The following SGO2 variants were observed in gnomAD, a reference collection of about 807,000 sequenced individuals.
The protein encoded by SGO2 is shugoshin 2, also known as shugoshin-like 2.
A neutral mutation model predicts 99.5 loss-of-function variants in SGO2; 68 were observed. That is an observed-to-expected ratio of 0.68 (90% CI 0.56 to 0.84). The LOEUF is 0.84. SGO2 is among the 40% of genes least tolerant of loss of function. SGO2 has a pLI of 0.00. For missense variants in SGO2, 1,350 were observed against 1,436.7 expected (o/e 0.94, Z 0.97); for synonymous variants, 457 against 487.1 (o/e 0.94, Z 0.81).
At chr2:200,561,483 A>C (rs912423889) in intron 5 of SGO2, among the ~76,000 whole-genome samples, 1 of 152,116 alleles carries the variant, frequency 6.6e-6, no homozygotes, top group Admixed American at 6.6e-5. Flanking sequence ...GTTGGTTCCA[A>C]GTCTTTGCTA....
intron 5 of SGO2, among the ~76,000 whole-genome samples, chr2:200,549,555 A>G (rs1002316587): frequency 6.6e-6 from 1 of 152,204 alleles, no homozygotes; most frequent in Non-Finnish European, 1.5e-5. Flanking sequence ...AACATTCACC[A>G]TGATCAAGTG....
At chr2:200,532,272 GTTTTTTTTTTTGTT>G (rs1244486589) in intron 1 of SGO2, 6 of 187,680 alleles carry the variant, frequency 3.2e-5, no homozygotes, top group Non-Finnish European at 4.2e-5. Flanking sequence ...AGAGTTTTTT[GTTTTTTTTTTTGTT>G]TTTTTTTTTT....
intron 5 of SGO2, among the ~76,000 whole-genome samples, chr2:200,556,966 C>T (rs2032744730): frequency 6.6e-6 from 1 of 152,100 alleles, no homozygotes; most frequent in Admixed American, 6.5e-5. Context: ...ATCAAAAGTT[C>T]AGGTGGCCAT....
intron 8 of SGO2, chr2:200,576,096 A>G (rs183268207): frequency 4.3e-5 from 17 of 397,382 alleles, no homozygotes; most frequent in Admixed American, 1.0e-4. Context: ...CTAGACAACA[A>G]TGATCACATC....
chr2:200,526,187 A>C (rs1347584519), upstream of SGO2: 3 of 152,376 alleles, frequency 2.0e-5, no homozygotes, highest in African/African-American at 7.2e-5. The surrounding 1 kb of genome is among the most constrained non-coding windows in gnomAD (Gnocchi z 4.8). Context: ...TTTAAACCCA[A>C]GCCGCAGCCG....
chr2:200,541,879 A>G (rs1574842463), intron 4 of SGO2, among the ~76,000 whole-genome samples: 1 of 151,888 alleles, frequency 6.6e-6, no homozygotes, highest in Non-Finnish European at 1.5e-5. Flanking sequence ...TCTCTGTTCT[A>G]TGTCATTGAT....
Position 200,545,288 on chromosome 2 carries a change from T to G in SGO2, c.473+2624T>G, listed in dbSNP as rs919763756. 2.0e-5 allele frequency among the ~76,000 whole-genome samples: 3 copies of G among 152,170 alleles called. No homozygotes were observed. The South Asian group carries it at 6.2e-4, about 31-fold the overall frequency. On this transcript the variant is annotated intron_variant, in intron 5 of 8. Coordinates refer to ENST00000357799, the MANE Select transcript of SGO2 (RefSeq NM_152524.6). ...TCGCAAAGTGCTAGGATTACAGGTGTGAGCCACCATGCCTGGCATATTCTT... is the reference window on the plus strand; with the variant it reads ...TCGCAAAGTGCTAGGATTACAGGTGGGAGCCACCATGCCTGGCATATTCTT...
chr2:200,541,636 A>G (rs2031963449), intron 4 of SGO2, among the ~76,000 whole-genome samples: 1 of 152,166 alleles, frequency 6.6e-6, no homozygotes, highest in South Asian at 2.1e-4. Context: ...ACTATCTCAT[A>G]AAAAGAATAT....
intron 1 of SGO2, among the ~76,000 whole-genome samples, chr2:200,528,577 T>A (rs562836813): frequency 6.6e-6 from 1 of 152,218 alleles, no homozygotes; most frequent in African/African-American, 2.4e-5. Flanking sequence ...ATTTGAGATG[T>A]GTGTTAGAAA....
intron 4 of SGO2, among the ~76,000 whole-genome samples, chr2:200,536,971 CAAAA>C (rs756551156): frequency 5.3e-5 from 8 of 152,066 alleles, no homozygotes; most frequent in African/African-American, 1.4e-4. Context: ...AACAAACAAA[CAAAA>C]TAAATATTTT....
intron 8 of SGO2, among the ~76,000 whole-genome samples, chr2:200,583,020 G>C (rs545899145): frequency 6.6e-6 from 1 of 152,286 alleles, no homozygotes; most frequent in Non-Finnish European, 1.5e-5. Context: ...ATTCAGGATA[G>C]TGGTCCCTTT....
Position 200,532,975 on chromosome 2 carries a change from G to A in SGO2, c.-1G>A. 2 of 1,605,742 alleles carry A rather than the reference G, an allele frequency of 1.2e-6. No homozygotes were observed. Among genetic ancestry groups the A allele is most frequent in the Non-Finnish European group, 1.7e-6 (2 of 1,177,674 alleles). Reference sequence around the variant, plus strand: ...TGATTTTTTTTTCTTTCACTTCAGTGATGGAGTGCCCAGTGATGGAAACTG... The same window carrying A: ...TGATTTTTTTTTCTTTCACTTCAGTAATGGAGTGCCCAGTGATGGAAACTG... On this transcript the variant is annotated splice_region_variant and 5_prime_UTR_variant, in exon 2 of 9. Coordinates refer to ENST00000357799, the MANE Select transcript of SGO2 (RefSeq NM_152524.6).
intron 1 of SGO2, among the ~76,000 whole-genome samples, chr2:200,528,968 CT>C (rs1027998439): frequency 6.6e-6 from 1 of 152,234 alleles, no homozygotes; most frequent in Non-Finnish European, 1.5e-5. Context: ...TAAAAAGAGA[CT>C]GGGCCTGACC....
intron 1 of SGO2, among the ~76,000 whole-genome samples, chr2:200,528,422 G>A (rs1056118834): frequency 6.6e-6 from 1 of 152,124 alleles, no homozygotes; most frequent in African/African-American, 2.4e-5. Flanking sequence ...GTGAAAGCTG[G>A]GTCAGCATAA....
intron 8 of SGO2, 82 bp from the exon 9 acceptor site, chr2:200,583,367 G>A (rs1346335477): frequency 9.0e-6 from 11 of 1,227,030 alleles, no homozygotes; most frequent in Admixed American, 4.7e-5. Context: ...CTGATATGAT[G>A]AAACAATTTT....
At chr2:200,533,140 G>A (rs528576260) in intron 2 of SGO2, 32 bp downstream of exon 2, 17 of 1,518,414 alleles carry the variant, frequency 1.1e-5, no homozygotes, top group African/African-American at 2.8e-5. Context: ...ATACACTCAC[G>A]TTTTAACTTT....
At position 200,526,766 on chromosome 2, in the gene SGO2, C is replaced by T. The variant is rs1444542938; in HGVS notation, c.-3+514C>T. Among the ~76,000 whole-genome samples, 2 of 151,910 alleles carry T rather than the reference C, an allele frequency of 1.3e-5. No individual in the cohort carries two copies. Among genetic ancestry groups the T allele is most frequent in the Non-Finnish European group, 2.9e-5 (2 of 68,006 alleles). On this transcript the variant is annotated intron_variant, in intron 1 of 8. Coordinates refer to ENST00000357799, the MANE Select transcript of SGO2 (RefSeq NM_152524.6). The surrounding 1 kb of genome is among the most constrained non-coding windows in gnomAD (Gnocchi z 4.8). ...GTAGGATTTCAGTAGAGAATAGGGACAATGATTTTTTAGATGAGGTATCCA... is the reference window on the plus strand; with the variant it reads ...GTAGGATTTCAGTAGAGAATAGGGATAATGATTTTTTAGATGAGGTATCCA...
intron 8 of SGO2, among the ~76,000 whole-genome samples, chr2:200,579,975 A>G (rs1289379412): frequency 2.0e-5 from 3 of 152,142 alleles, no homozygotes; most frequent in African/African-American, 7.2e-5. Flanking sequence ...ATATACTTAT[A>G]TAATTTTAGA....
At chr2:200,533,487 C>T in intron 2 of SGO2, 1 of 183,798 alleles carries the variant, frequency 5.4e-6, no homozygotes, top group Non-Finnish European at 1.1e-5. Flanking sequence ...ACACTGGGTG[C>T]TTATATATAC....
Sources: allele counts gnomAD v4.1 joint callset (sites outside exome capture counted in the v4.1 genomes callset), GRCh38; gene constraint gnomAD v4.1.1; non-coding constraint Gnocchi (gnomAD v3.1); transcripts MANE v1.5; gene names NCBI Gene and HGNC (gene_info 2026-07-23, HGNC 2026-07-21).